DCX: variants seen among roughly 807,000 people sequenced by gnomAD.
DCX encodes the protein doublecortin, also known as neuronal migration protein doublecortin.
DCX carries 4 observed loss-of-function variants against 20.9 expected under a neutral mutation model. The observed-to-expected ratio is 0.19, with a 90% CI of 0.09 to 0.44. DCX has a LOEUF of 0.44. Among genes scored for constraint, DCX ranks in the 20% least tolerant of loss-of-function variants. DCX has a pLI of 0.99. For synonymous variants in DCX, 103 were observed against 111.4 expected (o/e 0.92, Z 0.47); for missense variants, 133 against 296.9 (o/e 0.45, Z 4.06).
rs377094094 is a variant in DCX, at chrX:111,373,463, T to C, written c.705+27527A>G. Among the ~76,000 whole-genome samples, 8 of 112,110 alleles carry C rather than the reference T, an allele frequency of 7.1e-5. No homozygotes were observed. The East Asian group carries it at 2.3e-3, about 32-fold the overall frequency. The stretch of plus-strand genomic sequence containing the variant: ...CCTAGAGATTCAAGTATTTTAGGGA[T>C]GGTGTTTGTCGTCATTCGGGAATAT... On this transcript the variant is annotated intron_variant, in intron 3 of 6. Coordinates refer to ENST00000636035, the MANE Select transcript of DCX (RefSeq NM_001195553.2).
At chrX:111,333,456 C>T (rs1172711876) in intron 3 of DCX, among the ~76,000 whole-genome samples, 1 of 111,021 alleles carries the variant, frequency 9.0e-6, no homozygotes, top group Non-Finnish European at 1.9e-5. Flanking sequence ...CAGCAGATGG[C>T]CCTATAAATG....
chrX:111,388,892 G>A (rs1339532506), intron 3 of DCX, among the ~76,000 whole-genome samples: 1 of 112,056 alleles, frequency 8.9e-6, no homozygotes, highest in East Asian at 2.8e-4. Flanking sequence ...AGCTCTATAT[G>A]TTATAGTGTA....
At chrX:111,382,659 A>G (rs1318478314) in intron 3 of DCX, among the ~76,000 whole-genome samples, 2 of 111,691 alleles carry the variant, frequency 1.8e-5, no homozygotes, top group African/African-American at 6.5e-5. Context: ...GGAGAGATAC[A>G]AGAGAGTGCA....
rs183445592 is a variant in DCX at position 111,388,078 on chromosome X, T to C, written c.705+12912A>G. Among the ~76,000 whole-genome samples, 281 of 112,119 alleles carry C rather than the reference T, an allele frequency of 2.5e-3. 1 individual carries two copies. Among genetic ancestry groups the C allele is most frequent in the Middle Eastern group, 9.2e-3 (2 of 217 alleles). On this transcript the variant is annotated intron_variant, in intron 3 of 6. Transcript: ENST00000636035. ...AAATCTATTGTGAAGGTTCTAAACC[T>C]GGCAATTGATATTACTTCCTCTTTA... is the stretch of plus-strand genomic sequence containing the variant.
intron 3 of DCX, among the ~76,000 whole-genome samples, chrX:111,388,410 A>G (rs1926685747): frequency 8.9e-6 from 1 of 111,939 alleles, no homozygotes; most frequent in African/African-American, 3.2e-5. Context: ...TATTCCTTTC[A>G]GCCTTGAAGG....
chrX:111,387,442 G>A (rs1172309276), intron 3 of DCX, among the ~76,000 whole-genome samples: 3 of 111,620 alleles, frequency 2.7e-5, no homozygotes, highest in Non-Finnish European at 5.6e-5. Flanking sequence ...AATCTAAAGG[G>A]TAGGATGACC....
At chrX:111,306,482 G>A (rs1260313894) in intron 6 of DCX, among the ~76,000 whole-genome samples, 1 of 111,665 alleles carries the variant, frequency 9.0e-6, no homozygotes, top group Non-Finnish European at 1.9e-5. Flanking sequence ...TATATTAGGT[G>A]AAGACTTAAA....
intron 5 of DCX, among the ~76,000 whole-genome samples, chrX:111,315,987 C>T (rs1181079846): frequency 3.6e-5 from 2 of 54,875 alleles, no homozygotes; most frequent in East Asian, 5.9e-4. Flanking sequence ...CTAGATGACA[C>T]GTTAGTGGGT....
In DCX at chrX:111,298,571, C is replaced by G. The variant is rs1446213043; in HGVS notation, c.*3116G>C. On this transcript the variant is annotated 3_prime_UTR_variant, in exon 7 of 7. Coordinates refer to ENST00000636035, the MANE Select transcript of DCX (RefSeq NM_001195553.2). ...AGCCAGGAGATGTGGGTTGTAAACC[C>G]AATCCTGCCCCAGCCAGCTGTGTGA... 1.8e-5 allele frequency: 2 copies of G among 111,645 alleles called. No individual in the cohort carries two copies. The highest frequency in any genetic ancestry group is 3.3e-5 in the African/African-American group (1 of 30,562). 9.2% of individuals were successfully genotyped at this position (111,645 alleles called of 1,213,427 possible). A position where few individuals can be genotyped will look rare whatever the true frequency, so the allele number is the denominator to read the frequency against.
At chrX:111,386,898 A>G (rs1189457250) in intron 3 of DCX, among the ~76,000 whole-genome samples, 2 of 111,290 alleles carry the variant, frequency 1.8e-5, no homozygotes, top group Non-Finnish European at 3.8e-5. Flanking sequence ...CCCAACTCTG[A>G]GTCCACCGAG....
chrX:111,369,819 G>A (rs1269406943), intron 3 of DCX, among the ~76,000 whole-genome samples: 1 of 111,668 alleles, frequency 9.0e-6, no homozygotes, highest in Non-Finnish European at 1.9e-5. Flanking sequence ...ATCTGCTGAA[G>A]GGCATTCTTT....
At chrX:111,354,094 G>A (rs1923541412) in intron 3 of DCX, among the ~76,000 whole-genome samples, 1 of 111,571 alleles carries the variant, frequency 9.0e-6, no homozygotes, top group South Asian at 3.8e-4. Context: ...GAAAGGATGA[G>A]TCAACTGCAA....
At chrX:111,362,480 C>T (rs986118563) in intron 3 of DCX, among the ~76,000 whole-genome samples, 10 of 111,514 alleles carry the variant, frequency 9.0e-5, no homozygotes, top group Non-Finnish European at 1.3e-4. Flanking sequence ...AACTCATTGG[C>T]GTAGTTTTCC....
chrX:111,342,339 TTATATATATATATA>T (rs60045433), intron 3 of DCX, among the ~76,000 whole-genome samples: 1,976 of 20,738 alleles, frequency 0.095, 120 homozygotes, highest in African/African-American at 0.15. Flanking sequence ...GAGCTAACTA[TTATATATATATATA>T]TATATATATA....
intron 1 of DCX, among the ~76,000 whole-genome samples, chrX:111,411,331 G>C (rs966856033): frequency 4.0e-5 from 4 of 99,699 alleles, no homozygotes; most frequent in Non-Finnish European, 7.9e-5. Flanking sequence ...ATGACTCTCC[G>C]AACAGCATAC....
At chrX:111,364,593 C>T (rs1469813128) in intron 3 of DCX, among the ~76,000 whole-genome samples, 1 of 111,696 alleles carries the variant, frequency 9.0e-6, no homozygotes, top group Non-Finnish European at 1.9e-5. Context: ...AACACCTTTG[C>T]AAGCATGTTC....
At chrX:111,305,668 A>AT (rs1452986319) in intron 6 of DCX, among the ~76,000 whole-genome samples, 1 of 98,521 alleles carries the variant, frequency 1.0e-5, no homozygotes, top group African/African-American at 3.8e-5. Context: ...ATTATACAAT[A>AT]TTTTTCTTTC....
At chrX:111,371,903 T>C (rs964080064) in intron 3 of DCX, among the ~76,000 whole-genome samples, 3 of 101,202 alleles carry the variant, frequency 3.0e-5, no homozygotes, top group Non-Finnish European at 6.0e-5. Context: ...CATTGTATTA[T>C]ATATATACAG....
At chrX:111,311,555 G>A (rs1220796510) in intron 6 of DCX, among the ~76,000 whole-genome samples, 1 of 111,568 alleles carries the variant, frequency 9.0e-6, no homozygotes, top group East Asian at 2.8e-4. Context: ...TCAATACAGA[G>A]TTGAGAAGCA....
Sources: allele counts gnomAD v4.1 joint callset (sites outside exome capture counted in the v4.1 genomes callset), GRCh38; gene constraint gnomAD v4.1.1; transcripts MANE v1.5; gene names NCBI Gene and HGNC (gene_info 2026-07-23, HGNC 2026-07-21).